CNTNAP3: variants seen among roughly 807,000 people sequenced by gnomAD.
The protein encoded by CNTNAP3 is contactin-associated protein-like 3.
A neutral mutation model predicts 92.1 loss-of-function variants in CNTNAP3; 36 were observed. The ratio of observed to expected loss-of-function variants is 0.39; its 90% CI spans 0.30 to 0.52. The LOEUF (loss-of-function observed/expected upper bound fraction) is 0.52. CNTNAP3 is among the 20% of genes least tolerant of loss of function. The probability of loss-of-function intolerance (pLI) is 0.76; values close to 1 mark genes in which losing one functional copy is unlikely to be tolerated. For synonymous variants in CNTNAP3, 232 were observed against 422.3 expected, an observed-to-expected ratio of 0.55 and a Z score of 5.53; for missense variants, 534 against 1,069.6, an observed-to-expected ratio of 0.50 and a Z score of 6.98.
intron 10 of CNTNAP3, among the ~76,000 whole-genome samples, chr9:39,148,999 G>T (rs550512431): frequency 6.6e-6 from 1 of 152,262 alleles, no homozygotes; most frequent in African/African-American, 2.4e-5. Context: ...AACTGTGGTT[G>T]TAATACTTAT....
intron 10 of CNTNAP3, among the ~76,000 whole-genome samples, chr9:39,147,857 G>A (rs888415140): frequency 2.6e-5 from 4 of 152,184 alleles, no homozygotes; most frequent in African/African-American, 7.2e-5. Flanking sequence ...CTGAAAAGAG[G>A]CAGCCTCACG....
chr9:39,089,931 G>T (rs1826151635), intron 18 of CNTNAP3, among the ~76,000 whole-genome samples: 1 of 151,758 alleles, frequency 6.6e-6, no homozygotes, highest in African/African-American at 2.4e-5. Context: ...TCAGTTGTTG[G>T]TTTTTTGTTT....
chr9:39,149,543 A>T (rs900536016), intron 10 of CNTNAP3, among the ~76,000 whole-genome samples: 1 of 150,306 alleles, frequency 6.7e-6, no homozygotes, highest in Non-Finnish European at 1.5e-5. Flanking sequence ...TTTTTAGTAG[A>T]GACGGGGTTT....
chr9:39,109,024 G>A (rs909374586), intron 15 of CNTNAP3, 136 bp downstream of exon 15: 2 of 1,361,994 alleles, frequency 1.5e-6, no homozygotes, highest in South Asian at 1.6e-5. Flanking sequence ...TTTATGGTAT[G>A]TGTGTTTTCC....
intron 13 of CNTNAP3, among the ~76,000 whole-genome samples, chr9:39,129,115 C>G (rs924974297): frequency 3.3e-5 from 5 of 152,038 alleles, no homozygotes; most frequent in African/African-American, 1.2e-4. Flanking sequence ...AAAATTCTAG[C>G]AAGATGTTTG....
At chr9:39,074,526 G>C (rs1825702887) in intron 23 of CNTNAP3, among the ~76,000 whole-genome samples, 1 of 151,532 alleles carries the variant, frequency 6.6e-6, no homozygotes, top group Non-Finnish European at 1.5e-5. Flanking sequence ...GGATATGGCT[G>C]TGTTAGGCTT....
intron 23 of CNTNAP3, among the ~76,000 whole-genome samples, chr9:39,075,627 G>T (rs571901455): frequency 1.8e-3 from 274 of 152,366 alleles, no homozygotes; most frequent in African/African-American, 6.5e-3. Context: ...CCAGCTCAGG[G>T]ATGTCAGCAG....
intron 11 of CNTNAP3, among the ~76,000 whole-genome samples, chr9:39,143,217 G>C (rs10974172): frequency 6.7e-6 from 1 of 149,688 alleles, no homozygotes; most frequent in Non-Finnish European, 1.5e-5. Context: ...ATATGGCAGA[G>C]GCAGTTGAGA....
In CNTNAP3 at chr9:39,068,243, C is replaced by CAAAAAAAAAAAAAAAAAAAAAAAAAA. The variant is rs1198106886; in HGVS notation, c.*5646_*5647insTTTTTTTTTTTTTTTTTTTTTTTTTT. ...TGAAACCTTGCCTCCACTAAAAATA[C>CAAAAAAAAAAAAAAAAAAAAAAAAAA]AAAAAAAAAAAAAAAAAAAAAAATT... On this transcript the variant is annotated 3_prime_UTR_variant, in exon 24 of 24. Transcript: ENST00000297668. Among the ~76,000 whole-genome samples the CAAAAAAAAAAAAAAAAAAAAAAAAAA allele has an allele frequency of 3.1e-5, 4 of 129,316 alleles. No individual in the cohort carries two copies. The highest frequency in any genetic ancestry group is 5.1e-5 in the Non-Finnish European group (3 of 59,104). 84.8% of individuals were successfully genotyped at this position (129,316 alleles called of 152,430 possible). A position where few individuals can be genotyped will look rare whatever the true frequency, so the allele number is the denominator to read the frequency against.
chr9:39,174,473 T>C (rs1209726660), intron 7 of CNTNAP3: 2 of 639,068 alleles, frequency 3.1e-6, no homozygotes, highest in South Asian at 3.2e-5. Context: ...ATGTATTCAT[T>C]GTGTGGTCTG....
chr9:39,120,729 C>T (rs1194404896), intron 13 of CNTNAP3, among the ~76,000 whole-genome samples: 1 of 152,042 alleles, frequency 6.6e-6, no homozygotes, highest in African/African-American at 2.4e-5. Flanking sequence ...AATAATTTGT[C>T]GCTAGCAGAC....
intron 20 of CNTNAP3, chr9:39,086,043 A>T (rs1043561926): frequency 1.3e-5 from 8 of 612,546 alleles, no homozygotes; most frequent in Non-Finnish European, 1.2e-5. Context: ...TCCACGATGT[A>T]CCCACTTGCT....
Position 39,133,019 on chromosome 9 carries a change from G to T in CNTNAP3, c.1993C>A (p.Gln665Lys), listed in dbSNP as rs2118050321. 1 of 1,541,666 alleles carries T rather than the reference G, an allele frequency of 6.5e-7. No individual in the cohort carries two copies. Among genetic ancestry groups the T allele is most frequent in the Non-Finnish European group, 8.7e-7 (1 of 1,150,758 alleles). The stretch of plus-strand genomic sequence containing the variant: ...GCCAGGTTCACCGCGGACCGCAGCT[G>T]CCCCGCGCCCGCTGCGTACGCGAAG... Reference protein sequence around the residue: ...VSFAYAAGAGQLRSAVNLAER... With the variant: ...VSFAYAAGAGKLRSAVNLAER... Residue 665 changes from glutamine to lysine, a missense_variant, in exon 13 of 24, where the codon CAG becomes AAG. Gln to Lys is a moderately conservative substitution (Grantham distance 53). Coordinates refer to ENST00000297668, the MANE Select transcript of CNTNAP3 (RefSeq NM_033655.5).
chr9:39,154,264 AC>A (rs1821904590), intron 9 of CNTNAP3: 1 of 299,924 alleles, frequency 3.3e-6, no homozygotes, highest in Admixed American at 4.1e-5. Context: ...TCCTCAGATG[AC>A]CTGCAAATTG....
intron 13 of CNTNAP3, among the ~76,000 whole-genome samples, chr9:39,129,908 A>G (rs1335116996): frequency 1.3e-5 from 2 of 152,184 alleles, no homozygotes; most frequent in South Asian, 2.1e-4. Context: ...GCTCAATATT[A>G]TTAGACATCA....
At chr9:39,075,588 A>C (rs1283591406) in intron 23 of CNTNAP3, among the ~76,000 whole-genome samples, 1 of 152,306 alleles carries the variant, frequency 6.6e-6, no homozygotes, top group Non-Finnish European at 1.5e-5. Context: ...GACAGGATGT[A>C]AATTCTCTTT....
chr9:39,170,241 C>T (rs866101402), intron 8 of CNTNAP3, among the ~76,000 whole-genome samples: 3 of 12,768 alleles, frequency 2.3e-4, no homozygotes, highest in South Asian at 0.01. Flanking sequence ...GATAAGGCCC[C>T]GCCCTCTGAA....
intron 14 of CNTNAP3, among the ~76,000 whole-genome samples, chr9:39,112,899 T>C (rs980719306): frequency 2.6e-5 from 4 of 152,160 alleles, no homozygotes; most frequent in African/African-American, 9.7e-5. Flanking sequence ...CTTTCATCCT[T>C]AATTTCCATA....
chr9:39,104,139 C>T (rs1199057794), intron 15 of CNTNAP3, among the ~76,000 whole-genome samples: 2 of 151,920 alleles, frequency 1.3e-5, no homozygotes, highest in African/African-American at 2.4e-5. Context: ...CAAACAAAAG[C>T]GAAGCAAAAG....
Sources: allele counts gnomAD v4.1 joint callset (sites outside exome capture counted in the v4.1 genomes callset), GRCh38; gene constraint gnomAD v4.1.1; transcripts MANE v1.5; gene names NCBI Gene and HGNC (gene_info 2026-07-23, HGNC 2026-07-21).